The following PRKAR1B variants were observed in gnomAD, a reference collection of about 807,000 sequenced individuals.
PRKAR1B encodes the protein protein kinase cAMP-dependent type I regulatory subunit beta.
In PRKAR1B, 22 loss-of-function variants were observed where a neutral mutation model predicts 46.5. That is an observed-to-expected ratio of 0.47 (90% CI 0.34 to 0.68). The LOEUF (loss-of-function observed/expected upper bound fraction) is 0.68. PRKAR1B is among the 30% of genes least tolerant of loss of function. PRKAR1B has a pLI of 0.01. For missense variants in PRKAR1B, 445 were observed against 535.6 expected, an observed-to-expected ratio of 0.83 and a Z score of 1.67; for synonymous variants, 259 against 217.7, an observed-to-expected ratio of 1.19 and a Z score of -1.67.
chr7:685,276 ATACGTATATATATG>A, intron 2 of PRKAR1B, among the ~76,000 whole-genome samples: 17 of 29,708 alleles, frequency 5.7e-4, no homozygotes, highest in African/African-American at 1.7e-3. Context: ...ATACGTATAT[ATACGTATATATATG>A]TATACATATA....
intron 9 of PRKAR1B, among the ~76,000 whole-genome samples, chr7:561,274 GCACACA>G (rs201104071): frequency 6.7e-6 from 1 of 150,110 alleles, no homozygotes; most frequent in Admixed American, 6.6e-5. Context: ...ACACGCCTGT[GCACACA>G]CACACACACA....
chr7:586,886 CT>C lies in PRKAR1B; in HGVS notation c.709-2319del, dbSNP rs67760235. Among the ~76,000 whole-genome samples, 515 of 129,278 alleles carry C rather than the reference CT, an allele frequency of 4.0e-3. 4 individuals carry two copies. Among genetic ancestry groups the C allele is most frequent in the Non-Finnish European group, 5.5e-3 (341 of 62,514 alleles). 84.8% of individuals were successfully genotyped at this position (129,278 alleles called of 152,430 possible). On this transcript the variant is annotated intron_variant, in intron 7 of 10. Transcript: ENST00000537384. ...GAAGGAGGGTCATTTATCCCACCTT[CT>C]TTTTTTTTTTTTTTTTGAGACAGTC...
chr7:648,365 A>G (rs1784728520), intron 4 of PRKAR1B, among the ~76,000 whole-genome samples: 1 of 152,194 alleles, frequency 6.6e-6, no homozygotes, highest in South Asian at 2.1e-4. Flanking sequence ...TCATCCCAGC[A>G]CTGTGGGAGG....
intron 4 of PRKAR1B, chr7:607,731 C>T (rs1782184552): frequency 2.9e-6 from 1 of 349,190 alleles, no homozygotes. Flanking sequence ...TCATGCCATA[C>T]ATGCATTTTG....
intron 1 of PRKAR1B, among the ~76,000 whole-genome samples, chr7:721,870 GT>G (rs1181424048): frequency 1.3e-5 from 2 of 152,186 alleles, no homozygotes; most frequent in East Asian, 3.9e-4. Flanking sequence ...GCCTTTTGTG[GT>G]TTTGGTTAAG....
At chr7:677,456 T>A in intron 3 of PRKAR1B, 136 bp from the exon 4 acceptor site, 2 of 736,394 alleles carry the variant, frequency 2.7e-6, no homozygotes, top group East Asian at 5.3e-5. Context: ...GTTTAATGTG[T>A]ATTTCACCAC....
At chr7:685,361 T>TAG (rs1779021298) in intron 2 of PRKAR1B, among the ~76,000 whole-genome samples, 3 of 55,074 alleles carry the variant, frequency 5.4e-5, no homozygotes, top group African/African-American at 2.4e-4. Context: ...TACATATATA[T>TAG]ATACACATAT....
At chr7:578,088 G>C (rs1418230262) in intron 9 of PRKAR1B, among the ~76,000 whole-genome samples, 2 of 152,214 alleles carry the variant, frequency 1.3e-5, no homozygotes, top group African/African-American at 4.8e-5. Flanking sequence ...ATGGTGCACG[G>C]GTGGGCGTGG....
In PRKAR1B at chr7:661,367, G is replaced by T. The variant is rs552875990; in HGVS notation, c.440+15862C>A. 8.6e-5 allele frequency among the ~76,000 whole-genome samples: 6 copies of T among 69,962 alleles called. No individual in the cohort carries two copies. The East Asian group carries it at 2.6e-3, about 30-fold the overall frequency. 45.9% of individuals were successfully genotyped at this position (69,962 alleles called of 152,430 possible). A position where few individuals can be genotyped will look rare whatever the true frequency, so the allele number is the denominator to read the frequency against. ...TACCTACTCTCCCCACCATGGCACA[G>T]GTCCCCACCCCAACAGATCCAAATA... On this transcript the variant is annotated intron_variant, in intron 4 of 10. Transcript: ENST00000537384.
intron 4 of PRKAR1B, among the ~76,000 whole-genome samples, chr7:645,468 T>G (rs549508732): frequency 6.6e-6 from 1 of 152,042 alleles, no homozygotes; most frequent in South Asian, 2.1e-4. Context: ...CCAAGCAACA[T>G]AGCAAGACCC....
At chr7:701,248 G>T (rs1158018561) in intron 2 of PRKAR1B, among the ~76,000 whole-genome samples, 1 of 137,448 alleles carries the variant, frequency 7.3e-6, no homozygotes, top group African/African-American at 2.7e-5. Context: ...AAGGAAGGAA[G>T]GAAAGAAAGA....
intron 9 of PRKAR1B, among the ~76,000 whole-genome samples, chr7:568,331 C>T (rs1779296425): frequency 1.3e-5 from 2 of 152,228 alleles, no homozygotes; most frequent in Admixed American, 1.3e-4. Context: ...CCAAGTTCCT[C>T]CGGCAGCTGA....
At chr7:648,472 A>G (rs774780150) in intron 4 of PRKAR1B, among the ~76,000 whole-genome samples, 2 of 151,942 alleles carry the variant, frequency 1.3e-5, no homozygotes, top group Non-Finnish European at 2.9e-5. Context: ...TTAGCTGGGC[A>G]TGGTGGTGCG....
rs112903320 is a variant in PRKAR1B, at chr7:724,592, G to A, written c.-23+2618C>T. ...TCTCGGCCATGTCTTTATTAGCAGC[G>A]TGAAAATGGACTAATACACTGTGTT... On this transcript the variant is annotated intron_variant, in intron 1 of 10. Coordinates refer to ENST00000537384, the MANE Select transcript of PRKAR1B (RefSeq NM_001164760.2). 1.5e-3 allele frequency among the ~76,000 whole-genome samples: 236 copies of A among 152,268 alleles called. 1 individual carries two copies. The highest frequency in any genetic ancestry group is 5.3e-3 in the African/African-American group (222 of 41,548).
intron 2 of PRKAR1B, among the ~76,000 whole-genome samples, chr7:690,211 G>A (rs1463867716): frequency 6.6e-6 from 1 of 151,700 alleles, no homozygotes; most frequent in Non-Finnish European, 1.5e-5. Context: ...CAGGAGAATC[G>A]CTTGAACCCA....
At chr7:613,689 A>G (rs1223092445) in intron 4 of PRKAR1B, among the ~76,000 whole-genome samples, 7 of 152,234 alleles carry the variant, frequency 4.6e-5, no homozygotes, top group Admixed American at 4.6e-4. Context: ...CCACCGACCA[A>G]CACGGTACAC....
chr7:646,892 C>A lies in PRKAR1B; in HGVS notation c.440+30337G>T, dbSNP rs140921888. ...GGCCATTAGCTGAGCTCACACCCGG[C>A]AGGATCACAGGCGAAGGGCCCTGGG... On this transcript the variant is annotated intron_variant, in intron 4 of 10. Coordinates refer to ENST00000537384, the MANE Select transcript of PRKAR1B (RefSeq NM_001164760.2). Among the ~76,000 whole-genome samples, 44 of 152,308 alleles carry A rather than the reference C, an allele frequency of 2.9e-4. No homozygotes were observed. In the East Asian group the frequency reaches 6.8e-3, roughly 23 times the overall value.
rs747575689 is a variant in PRKAR1B, at chr7:610,039, G to A, written c.441-2587C>T. On this transcript the variant is annotated intron_variant, in intron 4 of 10. Coordinates refer to ENST00000537384, the MANE Select transcript of PRKAR1B (RefSeq NM_001164760.2). ...ATTACAGGCATGAGCCGCTGCACCC[G>A]CCCTGCCTGGCATTCTCTATATGAA... Among the ~76,000 whole-genome samples, 6 of 152,236 alleles carry A rather than the reference G, an allele frequency of 3.9e-5. No homozygotes were observed. In the East Asian group the frequency reaches 5.8e-4, roughly 15 times the overall value.
chr7:713,574 T>TACAC (rs1780766377), intron 1 of PRKAR1B, among the ~76,000 whole-genome samples: 1 of 151,872 alleles, frequency 6.6e-6, no homozygotes, highest in Admixed American at 6.6e-5. Context: ...CACTCACGTA[T>TACAC]ACACACTCAC....
Sources: allele counts gnomAD v4.1 joint callset (sites outside exome capture counted in the v4.1 genomes callset), GRCh38; gene constraint gnomAD v4.1.1; transcripts MANE v1.5; gene names NCBI Gene and HGNC (gene_info 2026-07-23, HGNC 2026-07-21).